The following RXFP1 variants were observed in gnomAD, a reference collection of about 807,000 sequenced individuals.
RXFP1 encodes relaxin family peptide receptor 1.
RXFP1 carries 73 observed loss-of-function variants against 89.8 expected under a neutral mutation model. The ratio of observed to expected loss-of-function variants is 0.81; its 90% CI spans 0.67 to 0.99. The LOEUF is 0.99. Ranked by LOEUF, RXFP1 falls within the 50% of genes least tolerant of loss-of-function variation. The probability of loss-of-function intolerance (pLI) is 0.00; values close to 1 mark genes in which losing one functional copy is unlikely to be tolerated. For synonymous variants in RXFP1, 277 were observed against 305.5 expected (o/e 0.91, Z 0.97); for missense variants, 793 against 895.5 (o/e 0.89, Z 1.46).
chr4:158,640,393 G>A (rs1218976329), intron 14 of RXFP1, among the ~76,000 whole-genome samples: 1 of 152,180 alleles, frequency 6.6e-6, no homozygotes, highest in African/African-American at 2.4e-5. Context: ...TTGGCTCACA[G>A]TTCTGTAAGT....
Position 158,626,148 on chromosome 4 carries a change from A to ATAGATAGATAGATAGATAGATAGATAGT in RXFP1, c.756-645_756-644insTTAGATAGATAGATAGATAGATAGATAG, listed in dbSNP as rs1766752595. ...GATAGATAGATAGATAGATAGATAG[A>ATAGATAGATAGATAGATAGATAGATAGT]TAGATAGATAGATAGATAGATAGAT... On this transcript the variant is annotated intron_variant, in intron 9 of 17. Transcript: ENST00000307765. 1.4e-3 allele frequency among the ~76,000 whole-genome samples: 213 copies of ATAGATAGATAGATAGATAGATAGATAGT among 149,744 alleles called. 1 individual carries two copies. The highest frequency in any genetic ancestry group is 3.3e-3 in the African/African-American group (131 of 40,266).
intron 9 of RXFP1, among the ~76,000 whole-genome samples, chr4:158,621,807 C>CA (rs1465008407): frequency 6.6e-6 from 1 of 152,128 alleles, no homozygotes; most frequent in African/African-American, 2.4e-5. Context: ...CAGGCATATG[C>CA]AAAAATGTTC....
intron 9 of RXFP1, among the ~76,000 whole-genome samples, chr4:158,625,962 C>T (rs1561156567): frequency 6.6e-6 from 1 of 151,934 alleles, no homozygotes; most frequent in Non-Finnish European, 1.5e-5. Context: ...AGAAGAGGAA[C>T]AATAAAAGAG....
intron 3 of RXFP1, among the ~76,000 whole-genome samples, chr4:158,596,825 T>G (rs1288379640): frequency 6.6e-6 from 1 of 152,152 alleles, no homozygotes; most frequent in African/African-American, 2.4e-5. Context: ...GTTACATAAC[T>G]TTCATAGTTT....
In RXFP1 at chr4:158,553,594, C is replaced by T. The variant is rs913764336; in HGVS notation, c.50-19104C>T. ...TTTGTGCAGGTACGGGGTAGGCCAC[C>T]TTCTGGAATGTCTTATTATCTACTT... is the stretch of plus-strand genomic sequence containing the variant. On this transcript the variant is annotated intron_variant, in intron 1 of 17. Transcript: ENST00000307765. Among the ~76,000 whole-genome samples, 17 of 152,076 alleles carry T rather than the reference C, an allele frequency of 1.1e-4. No individual in the cohort carries two copies. In the South Asian group the frequency reaches 1.2e-3, roughly 11 times the overall value.
At chr4:158,557,960 T>A (rs1751661984) in intron 1 of RXFP1, among the ~76,000 whole-genome samples, 1 of 152,198 alleles carries the variant, frequency 6.6e-6, no homozygotes, top group African/African-American at 2.4e-5. Flanking sequence ...TCCTAGTGCA[T>A]AGATATATTC....
intron 15 of RXFP1, among the ~76,000 whole-genome samples, chr4:158,645,517 G>A (rs1771351924): frequency 6.6e-6 from 1 of 152,144 alleles, no homozygotes. Flanking sequence ...TGTATGTCCA[G>A]TTCACAGATA....
intron 1 of RXFP1, among the ~76,000 whole-genome samples, chr4:158,568,847 C>A (rs1754417419): frequency 6.6e-6 from 1 of 152,188 alleles, no homozygotes; most frequent in Non-Finnish European, 1.5e-5. Flanking sequence ...AGGAAGTAGT[C>A]ACTTTTATTT....
intron 14 of RXFP1, among the ~76,000 whole-genome samples, chr4:158,641,078 T>C (rs1770283571): frequency 6.6e-6 from 1 of 152,214 alleles, no homozygotes; most frequent in African/African-American, 2.4e-5. Context: ...GTAATCTTGC[T>C]TGTATTTTAA....
At chr4:158,642,648 G>A (rs757683757) in intron 14 of RXFP1, among the ~76,000 whole-genome samples, 1 of 152,056 alleles carries the variant, frequency 6.6e-6, no homozygotes, top group Non-Finnish European at 1.5e-5. Flanking sequence ...ATATTCCATT[G>A]TGTATATCTA....
At chr4:158,522,080 C>A in intron 1 of RXFP1, 55 bp downstream of exon 1, 1 of 1,057,956 alleles carries the variant, frequency 9.5e-7, no homozygotes, top group Non-Finnish European at 1.4e-6. Context: ...GGAATAACCA[C>A]AAGCACAAAT....
intron 1 of RXFP1, among the ~76,000 whole-genome samples, chr4:158,561,643 TTTG>T (rs1752466692): frequency 6.7e-6 from 1 of 148,264 alleles, no homozygotes. Context: ...TTTTTTTTTT[TTTG>T]AGACAGAGTC....
chr4:158,637,915 A>G, intron 12 of RXFP1, 93 bp from the exon 13 acceptor site: 1 of 752,984 alleles, frequency 1.3e-6, no homozygotes, highest in Non-Finnish European at 2.3e-6. Context: ...TTTCGTTCAT[A>G]AATATGTTAA....
At position 158,647,004 on chromosome 4, in the gene RXFP1, G is replaced by A. The variant is rs1771690689; in HGVS notation, c.1559G>A (p.Cys520Tyr). ...ATCTGCATTGTCTATCCTTTTAGAT[G>A]TGTGAGACCTGGAAAATGCAGAACA... The part of the protein sequence containing the change: ...KYICIVYPFR[C>Y]VRPGKCRTIT... The change falls in exon 16 of 18, where the codon TGT becomes TAT. Residue 520 changes from cysteine to tyrosine, a missense_variant. Cys to Tyr is a radical substitution (Grantham distance 194, BLOSUM62 -2). Transcript: ENST00000307765. 6.2e-7 allele frequency: 1 copy of A among 1,614,010 alleles called. No homozygotes were observed. The highest frequency in any genetic ancestry group is 1.3e-5 in the African/African-American group (1 of 74,926).
chr4:158,549,306 T>A (rs894874380), intron 1 of RXFP1, among the ~76,000 whole-genome samples: 6 of 152,248 alleles, frequency 3.9e-5, no homozygotes, highest in Non-Finnish European at 8.8e-5. Context: ...CTCAATCAGC[T>A]CCTTTAAGGA....
At chr4:158,639,150 G>A (rs1769849908) in intron 13 of RXFP1, 110 bp from the exon 14 acceptor site, 1 of 634,240 alleles carries the variant, frequency 1.6e-6, no homozygotes, top group African/African-American at 1.8e-5. Context: ...TTTGTTCAGA[G>A]TAAGTGTTAA....
intron 1 of RXFP1, among the ~76,000 whole-genome samples, chr4:158,562,523 CAAAAAAAAAAAA>C (rs55944906): frequency 5.1e-4 from 13 of 25,330 alleles, no homozygotes; most frequent in East Asian, 1.4e-3. Flanking sequence ...GACTCCGTCT[CAAAAAAAAAAAA>C]AAAAAAAAAA....
chr4:158,533,390 C>T (rs1579377857), intron 1 of RXFP1, among the ~76,000 whole-genome samples: 1 of 152,198 alleles, frequency 6.6e-6, no homozygotes, highest in East Asian at 1.9e-4. Context: ...ATGGACATTA[C>T]CCTAAAATCA....
intron 1 of RXFP1, among the ~76,000 whole-genome samples, chr4:158,540,476 A>AC (rs2149826304): frequency 6.6e-6 from 1 of 151,914 alleles, no homozygotes; most frequent in African/African-American, 2.4e-5. Flanking sequence ...CACTCTTGTC[A>AC]CCATCTTGGT....
Sources: gnomAD v4.1 joint callset for allele counts (sites outside exome capture counted in the v4.1 genomes callset) on GRCh38, gnomAD v4.1.1 for gene constraint, MANE v1.5 for transcripts, NCBI Gene and HGNC (gene_info 2026-07-23, HGNC 2026-07-21) for gene names.